RTKN: variants seen among roughly 807,000 people sequenced by gnomAD.
RTKN encodes the protein rhotekin.
Under a neutral mutation model 63.5 loss-of-function variants are expected in RTKN, and 49 were observed. The observed-to-expected ratio is 0.77, with a 90% CI of 0.61 to 0.98. The LOEUF is 0.98. RTKN is among the 50% of genes least tolerant of loss of function. The probability of loss-of-function intolerance (pLI) is 0.00; values close to 1 mark genes in which losing one functional copy is unlikely to be tolerated. For synonymous variants in RTKN, 295 were observed against 290.4 expected, an observed-to-expected ratio of 1.02 and a Z score of -0.16; for missense variants, 685 against 740.8, an observed-to-expected ratio of 0.92 and a Z score of 0.87.
In RTKN at chr2:74,432,487, C is replaced by T; in HGVS notation, c.291G>A (p.Val97=). Residue 97 remains valine, a synonymous_variant, in exon 2 of 12, where the codon GTG becomes GTA. Coordinates refer to ENST00000272430, the MANE Select transcript of RTKN (RefSeq NM_001015055.2). The part of the protein sequence containing the change: ...GELQRRKEAQ[V]LGKTSRRPSD... Reference sequence around the variant, plus strand: ...CTCACCGCCGGCTTGTCTTCCCCAGCACCTGCGCCTCCTTGCGCCGCTGCA... The same window carrying T: ...CTCACCGCCGGCTTGTCTTCCCCAGTACCTGCGCCTCCTTGCGCCGCTGCA... 5 of 1,611,104 alleles carry T rather than the reference C, an allele frequency of 3.1e-6. No individual in the cohort carries two copies. The South Asian group carries it at 5.5e-5, about 18-fold the overall frequency.
At chr2:74,428,165 C>A in intron 9 of RTKN, 103 bp downstream of exon 9, 1 of 1,496,032 alleles carries the variant, frequency 6.7e-7, no homozygotes. Flanking sequence ...GAGCAGGAGG[C>A]CTGCTTCTAT....
intron 1 of RTKN, chr2:74,440,199 T>C (rs1249166060): frequency 4.5e-6 from 2 of 445,814 alleles, no homozygotes; most frequent in Non-Finnish European, 6.0e-6. Flanking sequence ...TTTGAGAAAG[T>C]TGGGAAAAAG....
rs1671081780 is a variant in RTKN, at chr2:74,436,706, A to G, written c.112-4040T>C. On this transcript the variant is annotated intron_variant, in intron 1 of 11. Coordinates refer to ENST00000272430, the MANE Select transcript of RTKN (RefSeq NM_001015055.2). This position sits in a 1 kb window ranked among gnomAD's most constrained non-coding sequence, Gnocchi z 4.3. ...GACCACGAGTCCAGACACCTCCTCTATTTCCCTACTGATCTCCAGCCCCAA... is the reference window on the plus strand; with the variant it reads ...GACCACGAGTCCAGACACCTCCTCTGTTTCCCTACTGATCTCCAGCCCCAA... 6.6e-6 allele frequency among the ~76,000 whole-genome samples: 1 copy of G among 151,868 alleles called. No individual in the cohort carries two copies. Among genetic ancestry groups the G allele is most frequent in the Non-Finnish European group, 1.5e-5 (1 of 67,938 alleles).
Position 74,426,116 on chromosome 2 carries a change from C to A in RTKN, c.*127G>T. The A allele has an allele frequency of 1.2e-6, 1 of 858,402 alleles. No individual in the cohort carries two copies. 53.2% of individuals were successfully genotyped at this position (858,402 alleles called of 1,614,324 possible). A position where few individuals can be genotyped will look rare whatever the true frequency, so the allele number is the denominator to read the frequency against. ...GCTTCTGCCCACCCCTGCAGCCTAC[C>A]CCAGGTCCAGCAGAGGAACAGGAGG... On this transcript the variant is annotated 3_prime_UTR_variant, in exon 12 of 12. Transcript: ENST00000272430.
intron 5 of RTKN, 101 bp downstream of exon 5, chr2:74,430,151 C>T (rs895384556): frequency 1.5e-4 from 220 of 1,496,132 alleles, no homozygotes; most frequent in Non-Finnish European, 2.0e-4. Context: ...GGTGCCCCTC[C>T]TCTCCACCCT....
At position 74,427,271 on chromosome 2, in the gene RTKN, G is replaced by A; in HGVS notation, c.1258C>T (p.Gln420Ter). ...ALWQLFFDMS[Q>*]WKQCCDEIMK... ...ATTTCATCACAGCACTGCTTCCATT[G>A]GCCTGGAAGAAGAGCGCTGATTAAA... Residue 420 changes from glutamine to a stop codon, truncating the protein, a stop_gained and splice_region_variant, in exon 11 of 12, where the codon CAA becomes TAA. Transcript: ENST00000272430. LOFTEE classifies it high-confidence loss of function. 1 of 1,613,822 alleles carries A rather than the reference G, an allele frequency of 6.2e-7. No homozygotes were observed. The highest frequency in any genetic ancestry group is 8.5e-7 in the Non-Finnish European group (1 of 1,179,738).
At position 74,436,206 on chromosome 2, in the gene RTKN, C is replaced by G. The variant is rs959843910; in HGVS notation, c.112-3540G>C. Reference sequence around the variant, plus strand: ...AGCACTCACGGATCCTTCCCCAGCCCGCTCCATTGCGAGAGGCGCGCAGAG... The same window carrying G: ...AGCACTCACGGATCCTTCCCCAGCCGGCTCCATTGCGAGAGGCGCGCAGAG... On this transcript the variant is annotated intron_variant, in intron 1 of 11. Coordinates refer to ENST00000272430, the MANE Select transcript of RTKN (RefSeq NM_001015055.2). The surrounding 1 kb of genome is among the most constrained non-coding windows in gnomAD (Gnocchi z 4.3). Among the ~76,000 whole-genome samples the G allele has an allele frequency of 6.6e-6, 1 of 152,254 alleles. No homozygotes were observed. Among genetic ancestry groups the G allele is most frequent in the Admixed American group, 6.5e-5 (1 of 15,288 alleles).
intron 2 of RTKN, chr2:74,431,065 A>T (rs1392768845): frequency 6.7e-5 from 11 of 164,418 alleles, no homozygotes; most frequent in Admixed American, 1.2e-4. Context: ...TCCAGTCTTT[A>T]TTTTTTTTTT....
rs745991253 is a variant in RTKN, at chr2:74,430,261, T to A, written c.536A>T (p.Asn179Ile). 2 of 1,610,322 alleles carry A rather than the reference T, an allele frequency of 1.2e-6. No homozygotes were observed. The highest frequency in any genetic ancestry group is 1.1e-5 in the South Asian group (1 of 90,952). ...RTLTDISFQS[N>I]VLFAEAGPDF... Reference sequence around the variant, plus strand: ...AGTGTGAGGTACTCACAAGAGCACATTGCTCTGAAAGGAGATGTCTGTGAG... The same window carrying A: ...AGTGTGAGGTACTCACAAGAGCACAATGCTCTGAAAGGAGATGTCTGTGAG... Residue 179 changes from asparagine to isoleucine, a missense_variant, in exon 5 of 12, where the codon AAT becomes ATT. Coordinates refer to ENST00000272430, the MANE Select transcript of RTKN (RefSeq NM_001015055.2).
At position 74,441,891 on chromosome 2, in the gene RTKN, T is replaced by C. The variant is rs1671389881; in HGVS notation, c.-75A>G. The C allele has an allele frequency of 4.5e-6, 4 of 883,704 alleles. No individual in the cohort carries two copies. The highest frequency in any genetic ancestry group is 1.7e-5 in the African/African-American group (1 of 60,520). 54.7% of individuals were successfully genotyped at this position (883,704 alleles called of 1,614,324 possible). A position where few individuals can be genotyped will look rare whatever the true frequency, so the allele number is the denominator to read the frequency against. On this transcript the variant is annotated 5_prime_UTR_variant, in exon 1 of 12. Coordinates refer to ENST00000272430, the MANE Select transcript of RTKN (RefSeq NM_001015055.2). ...GGCTTAGCCTCCTCTCCTCGGCTTC[T>C]GTCTCTCGACGCTCGTCCGCCAGTC... is the stretch of plus-strand genomic sequence containing the variant.
intron 1 of RTKN, among the ~76,000 whole-genome samples, chr2:74,441,481 G>A (rs947531262): frequency 6.6e-6 from 1 of 152,228 alleles, no homozygotes; most frequent in Non-Finnish European, 1.5e-5. Context: ...CTTTTTCCAG[G>A]CTCAGGCAGA....
intron 11 of RTKN, 21 bp from the exon 12 acceptor site, chr2:74,426,595 TG>T: frequency 3.3e-6 from 5 of 1,519,294 alleles, no homozygotes; most frequent in Non-Finnish European, 4.4e-6. Flanking sequence ...AGGAAGGGGT[TG>T]GGGGAGGGTT....
chr2:74,427,329 A>T, intron 10 of RTKN, 56 bp from the exon 11 acceptor site: 1 of 1,607,810 alleles, frequency 6.2e-7, no homozygotes, highest in Admixed American at 1.7e-5. Flanking sequence ...CTCCTGCTAC[A>T]TTCCCTTCCA....
At chr2:74,439,219 C>T (rs148708051) in intron 1 of RTKN, among the ~76,000 whole-genome samples, 1 of 152,348 alleles carries the variant, frequency 6.6e-6, no homozygotes, top group African/African-American at 2.4e-5. Context: ...AGCAAGGCTA[C>T]ATCCTTTCTG....
At chr2:74,441,322 G>A (rs1305771197) in intron 1 of RTKN, among the ~76,000 whole-genome samples, 1 of 152,200 alleles carries the variant, frequency 6.6e-6, no homozygotes, top group African/African-American at 2.4e-5. Flanking sequence ...GGCGACTGGG[G>A]AACAAGCGGG....
chr2:74,427,986 C>T (rs1670506389), intron 9 of RTKN: 3 of 520,778 alleles, frequency 5.8e-6, no homozygotes, highest in Admixed American at 3.2e-5. Flanking sequence ...AAATTGGAAT[C>T]TGAGGGAGAA....
At chr2:74,429,088 C>T in intron 6 of RTKN, 146 bp from the exon 7 acceptor site, 1 of 664,050 alleles carries the variant, frequency 1.5e-6, no homozygotes, top group South Asian at 1.7e-5. Flanking sequence ...TGAACATTTA[C>T]CGAGCTCCAG....
In RTKN at chr2:74,428,872, G is replaced by A; in HGVS notation, c.826C>T (p.His276Tyr). 1 of 1,614,164 alleles carries A rather than the reference G, an allele frequency of 6.2e-7. No homozygotes were observed. Among genetic ancestry groups the A allele is most frequent in the African/African-American group, 1.3e-5 (1 of 75,038 alleles). Residue 276 changes from histidine (H) to tyrosine (Y), a missense_variant, in exon 7 of 12, where the codon CAT becomes TAT. Coordinates refer to ENST00000272430, the MANE Select transcript of RTKN (RefSeq NM_001015055.2). The part of the protein sequence containing the change: ...LAAVQDGFRT[H>Y]DLTLASHEEN... Reference sequence around the variant, plus strand: ...CCATGACTGGCAAGGGTGAGGTCATGTGTGCGGAATCCATCTTGCACTGCT... The same window carrying A: ...CCATGACTGGCAAGGGTGAGGTCATATGTGCGGAATCCATCTTGCACTGCT...
chr2:74,426,388 G>A lies in RTKN; in HGVS notation c.1547C>T (p.Pro516Leu), dbSNP rs1301441591. The change falls in exon 12 of 12, where the codon CCC becomes CTC. Residue 516 changes from proline (P) to leucine (L), a missense_variant. By Grantham distance (98) the Pro-to-Leu change is moderately conservative. Transcript: ENST00000272430. ...DWTHPLPWGRPRTFSLDAVPP... is the reference protein window; with the variant it reads ...DWTHPLPWGRLRTFSLDAVPP... Reference sequence around the variant, plus strand: ...GACAGCATCCAGGGAAAAGGTTCGGGGTCTCCCCCAGGGCAGGGGGTGGGT... The same window carrying A: ...GACAGCATCCAGGGAAAAGGTTCGGAGTCTCCCCCAGGGCAGGGGGTGGGT... 8.7e-6 allele frequency: 14 copies of A among 1,611,540 alleles called. No homozygotes were observed. Among genetic ancestry groups the A allele is most frequent in the Non-Finnish European group, 1.2e-5 (14 of 1,178,830 alleles).
Sources: allele counts gnomAD v4.1 joint callset (sites outside exome capture counted in the v4.1 genomes callset), GRCh38; gene constraint gnomAD v4.1.1; non-coding constraint Gnocchi (gnomAD v3.1); transcripts MANE v1.5; gene names NCBI Gene and HGNC (gene_info 2026-07-23, HGNC 2026-07-21).